Variants in RBFOX1 observed in about 807,000 individuals in gnomAD.
RBFOX1 encodes the protein RNA binding fox-1 homolog 1, also known as RNA binding protein fox-1 homolog 1.
RBFOX1 carries 8 observed loss-of-function variants against 57.7 expected under a neutral mutation model. That is an observed-to-expected ratio of 0.14 (90% confidence interval 0.08 to 0.25). The LOEUF (loss-of-function observed/expected upper bound fraction) is 0.25, where lower values mean the gene tolerates loss of function less well. Among genes scored for constraint, RBFOX1 ranks in the 10% least tolerant of loss-of-function variants. RBFOX1 has a pLI of 1.00. For missense variants in RBFOX1, 611 were observed against 548.5 expected, an observed-to-expected ratio of 1.11 and a Z score of -1.14; for synonymous variants, 326 against 222.4, an observed-to-expected ratio of 1.47 and a Z score of -4.15.
intron 4 of RBFOX1, among the ~76,000 whole-genome samples, chr16:7,066,810 A>G (rs1423898288): frequency 2.6e-5 from 4 of 152,168 alleles, no homozygotes; most frequent in African/African-American, 9.7e-5. Flanking sequence ...GTTCAATAAG[A>G]GGAGCACTTG....
intron 4 of RBFOX1, among the ~76,000 whole-genome samples, chr16:7,282,299 C>A (rs1164202833): frequency 2.0e-5 from 3 of 152,174 alleles, no homozygotes; most frequent in Non-Finnish European, 4.4e-5. Flanking sequence ...TCATTTATTC[C>A]TGGATGCCAC....
intron 2 of RBFOX1, among the ~76,000 whole-genome samples, chr16:5,586,159 G>T (rs1478891332): frequency 6.6e-6 from 1 of 152,148 alleles, no homozygotes; most frequent in Non-Finnish European, 1.5e-5. Context: ...AGCAGAAGTT[G>T]GGGGAGAGGC....
intron 2 of RBFOX1, among the ~76,000 whole-genome samples, chr16:6,613,565 A>T (rs2098099812): frequency 6.6e-6 from 1 of 152,206 alleles, no homozygotes; most frequent in Non-Finnish European, 1.5e-5. Context: ...GGAACGCTAG[A>T]TGATTATTAA....
intron 4 of RBFOX1, among the ~76,000 whole-genome samples, chr16:7,218,808 C>G (rs887811843): frequency 9.2e-5 from 14 of 151,948 alleles, no homozygotes; most frequent in Non-Finnish European, 1.0e-4. Flanking sequence ...AATCAGGAAC[C>G]TGTCTAGAAG....
intron 4 of RBFOX1, among the ~76,000 whole-genome samples, chr16:7,345,240 A>C (rs994498491): frequency 1.3e-5 from 2 of 152,042 alleles, no homozygotes; most frequent in African/African-American, 4.8e-5. Flanking sequence ...GATGTCTTCT[A>C]TTGTTACTGT....
chr16:6,576,863 T>G (rs898983856), intron 2 of RBFOX1: 1 of 152,192 alleles, frequency 6.6e-6, no homozygotes, highest in Non-Finnish European at 1.5e-5. Context: ...AAGGATACAG[T>G]GCCAGAGTCA....
At chr16:7,089,845 G>A (rs575506814) in intron 4 of RBFOX1, among the ~76,000 whole-genome samples, 33 of 151,894 alleles carry the variant, frequency 2.2e-4, no homozygotes, top group Non-Finnish European at 3.5e-4. Flanking sequence ...TGAAAAATGG[G>A]CACTACCTTC....
intron 1 of RBFOX1, among the ~76,000 whole-genome samples, chr16:6,041,064 G>T (rs1196751891): frequency 6.6e-6 from 1 of 152,086 alleles, no homozygotes; most frequent in East Asian, 1.9e-4. Flanking sequence ...ATATCATAGA[G>T]AATAGTTTCC....
rs367768000 is a variant in RBFOX1 at position 7,078,031 on chromosome 16, A to G, written c.27+25933A>G. Among the ~76,000 whole-genome samples the G allele has an allele frequency of 3.6e-4, 55 of 152,316 alleles. No homozygotes were observed. In the East Asian group the frequency reaches 6.4e-3, roughly 18 times the overall value. On this transcript the variant is annotated intron_variant, in intron 4 of 15. Coordinates refer to ENST00000550418, the MANE Select transcript of RBFOX1 (RefSeq NM_018723.4). ...TGGAGCATTACCTCCATCACTGCTA[A>G]GACAGACAAACACCTTTTGAGATTT...
chr16:7,057,451 C>G (rs1202452810), intron 4 of RBFOX1, among the ~76,000 whole-genome samples: 2 of 152,212 alleles, frequency 1.3e-5, no homozygotes, highest in Non-Finnish European at 2.9e-5. Flanking sequence ...AAGACTCCCT[C>G]TACCTTTATG....
At chr16:6,200,312 G>C (rs1016986958) in intron 1 of RBFOX1, among the ~76,000 whole-genome samples, 2 of 152,046 alleles carry the variant, frequency 1.3e-5, no homozygotes, top group African/African-American at 4.8e-5. Context: ...TTTGTTCAAC[G>C]CTTTTCATTG....
At chr16:6,715,196 C>A (rs1223589262) in intron 3 of RBFOX1, among the ~76,000 whole-genome samples, 2 of 152,090 alleles carry the variant, frequency 1.3e-5, no homozygotes, top group Non-Finnish European at 2.9e-5. Context: ...AATTTAAGGG[C>A]TAAACCTTAT....
At chr16:6,239,294 T>C (rs2097527129) in intron 1 of RBFOX1, among the ~76,000 whole-genome samples, 1 of 152,070 alleles carries the variant, frequency 6.6e-6, no homozygotes, top group South Asian at 2.1e-4. Flanking sequence ...CTTCTTACAG[T>C]CCTTGTTGGG....
At chr16:7,510,737 A>G (rs1053048564) in intron 4 of RBFOX1, among the ~76,000 whole-genome samples, 1 of 152,194 alleles carries the variant, frequency 6.6e-6, no homozygotes, top group Non-Finnish European at 1.5e-5. Flanking sequence ...AAACTAAAGT[A>G]AAACAAACTG....
chr16:5,476,745 G>A (rs996727254), intron 2 of RBFOX1, among the ~76,000 whole-genome samples: 3 of 152,140 alleles, frequency 2.0e-5, no homozygotes, highest in South Asian at 4.2e-4. Context: ...TGCCTCTTGG[G>A]TGCCTCTGGG....
intron 3 of RBFOX1, among the ~76,000 whole-genome samples, chr16:5,850,815 A>G (rs761964447): frequency 2.6e-5 from 4 of 152,242 alleles, no homozygotes; most frequent in Non-Finnish European, 5.9e-5. Context: ...GCCCCGGGCC[A>G]GGTGTGAGCA....
intron 4 of RBFOX1, among the ~76,000 whole-genome samples, chr16:7,344,011 A>G (rs2096946152): frequency 6.7e-6 from 1 of 150,304 alleles, no homozygotes; most frequent in Non-Finnish European, 1.5e-5. Flanking sequence ...CTCAATCTTG[A>G]GTGTTTTCTA....
At chr16:7,677,005 G>T (rs947552733) in intron 14 of RBFOX1, among the ~76,000 whole-genome samples, 167 bp downstream of exon 14, 1 of 151,932 alleles carries the variant, frequency 6.6e-6, no homozygotes, top group Non-Finnish European at 1.5e-5. Context: ...ATAGAGAGAG[G>T]GCAAATGCTT....
chr16:6,216,949 ATCGT>A (rs568056311), intron 1 of RBFOX1, among the ~76,000 whole-genome samples: 46 of 150,938 alleles, frequency 3.0e-4, no homozygotes, highest in Non-Finnish European at 5.5e-4. Context: ...TTTTCTTCTG[ATCGT>A]TCACCTTTTG....
Sources: allele counts gnomAD v4.1 joint callset (sites outside exome capture counted in the v4.1 genomes callset), GRCh38; gene constraint gnomAD v4.1.1; transcripts MANE v1.5; gene names NCBI Gene and HGNC (gene_info 2026-07-23, HGNC 2026-07-21).